Variants in HSP90B1 observed in about 807,000 individuals in gnomAD.
HSP90B1 encodes heat shock protein 90 beta family member 1.
In HSP90B1, 27 loss-of-function variants were observed where a neutral mutation model predicts 100.4. The observed-to-expected ratio is 0.27, with a 90% confidence interval of 0.20 to 0.37. HSP90B1 has a LOEUF of 0.37. HSP90B1 is among the 10% of genes least tolerant of loss of function. The pLI, the probability that HSP90B1 is intolerant of heterozygous loss-of-function variation, is 1.00. For missense variants in HSP90B1, 678 were observed against 960.5 expected (o/e 0.71, Z 3.89); for synonymous variants, 304 against 330.8 (o/e 0.92, Z 0.88).
In HSP90B1 at chr12:103,930,521, G is replaced by A. The variant is rs367697851; in HGVS notation, c.6G>A (p.Arg2=). ...AGACTCACCGGCCGCACGCCATGAGGGCCCTGTGGGTGCTGGGCCTCTGCT... is the reference window on the plus strand; with the variant it reads ...AGACTCACCGGCCGCACGCCATGAGAGCCCTGTGGGTGCTGGGCCTCTGCT... The part of the protein sequence containing the change: M[R]ALWVLGLCCV... The change falls in exon 1 of 18, where the codon AGG becomes AGA. Residue 2 remains arginine (R), a synonymous_variant. Coordinates refer to ENST00000299767, the MANE Select transcript of HSP90B1 (RefSeq NM_003299.3). The surrounding 1 kb of genome is among the most constrained non-coding windows in gnomAD (Gnocchi z 4.4). The A allele has an allele frequency of 2.7e-5, 43 of 1,608,604 alleles. 1 individual carries two copies. The highest frequency in any genetic ancestry group is 3.4e-5 in the Non-Finnish European group (40 of 1,177,734).
chr12:103,940,797 G>C (rs1870055318), intron 8 of HSP90B1, among the ~76,000 whole-genome samples: 1 of 152,040 alleles, frequency 6.6e-6, no homozygotes, highest in Admixed American at 6.6e-5. Flanking sequence ...CTAATAATGA[G>C]ACATTTTATA....
intron 2 of HSP90B1, chr12:103,931,987 T>TGAA (rs1869777672): frequency 2.2e-6 from 1 of 456,450 alleles, no homozygotes; most frequent in South Asian, 2.2e-5. Context: ...TTGACAGTTT[T>TGAA]GAAGTCCTCA....
Position 103,941,407 on chromosome 12 carries a change from C to T in HSP90B1, c.1093-3C>T. The T allele has an allele frequency of 1.9e-6, 3 of 1,611,050 alleles. No individual in the cohort carries two copies. Among genetic ancestry groups the T allele is most frequent in the Non-Finnish European group, 2.5e-6 (3 of 1,179,396 alleles). Reference sequence around the variant, plus strand: ...GAATGACTAAGATACCAACTTTCCACAGGAAAGTGATGACCCCATGGCTTA... The same window carrying T: ...GAATGACTAAGATACCAACTTTCCATAGGAAAGTGATGACCCCATGGCTTA... On this transcript the variant is annotated splice_region_variant and splice_polypyrimidine_tract_variant and intron_variant, in intron 8 of 17. Transcript: ENST00000299767.
chr12:103,947,237 T>C (rs1165694), intron 16 of HSP90B1, 74 bp from the exon 17 acceptor site: 493,934 of 1,488,536 alleles, frequency 0.33, 86,929 homozygotes, highest in African/African-American at 0.6. Context: ...ACATTAATTA[T>C]GATTTTATAC....
intron 10 of HSP90B1, 26 bp downstream of exon 10, chr12:103,941,732 G>A (rs190714822): frequency 7.5e-5 from 121 of 1,609,538 alleles, no homozygotes; most frequent in Admixed American, 1.8e-4. Flanking sequence ...TTGGGAGAAG[G>A]GGTGATTGTT....
chr12:103,933,085 G>A (rs1869813087), intron 4 of HSP90B1, 143 bp downstream of exon 4: 2 of 590,918 alleles, frequency 3.4e-6, no homozygotes, highest in Non-Finnish European at 6.1e-6. Context: ...ATCAAACTAT[G>A]GCCAAATCTA....
At chr12:103,932,255 C>A in intron 2 of HSP90B1, 22 bp from the exon 3 acceptor site, 1 of 1,591,154 alleles carries the variant, frequency 6.3e-7, no homozygotes, top group Non-Finnish European at 8.6e-7. Context: ...GCAATATTTG[C>A]TTACCTAACT....
At position 103,946,682 on chromosome 12, in the gene HSP90B1, C is replaced by G; in HGVS notation, c.2092C>G (p.Leu698Val). The G allele has an allele frequency of 6.2e-7, 1 of 1,613,950 alleles. No homozygotes were observed. Among genetic ancestry groups the G allele is most frequent in the Non-Finnish European group, 8.5e-7 (1 of 1,179,874 alleles). ...NPRHPLIRDM[L>V]RRIKEDEDDK... is the part of the protein sequence containing the mutation. ...CAGACACCCGCTGATCAGAGACATG[C>G]TTCGACGAATTAAGGTAGTATTAAA... The change falls in exon 15 of 18, where the codon CTT becomes GTT. Residue 698 changes from leucine to valine, a missense_variant. Transcript: ENST00000299767.
chr12:103,940,614 T>C (rs1870049228), intron 8 of HSP90B1, among the ~76,000 whole-genome samples: 1 of 152,190 alleles, frequency 6.6e-6, no homozygotes. Context: ...CTAGTGTCTA[T>C]AAACTTACTT....
At chr12:103,933,265 C>T (rs549754069) in intron 4 of HSP90B1, among the ~76,000 whole-genome samples, 1 of 152,362 alleles carries the variant, frequency 6.6e-6, no homozygotes, top group South Asian at 2.1e-4. Context: ...AAAAAGTTTG[C>T]CAGCCCCTGG....
chr12:103,941,997 A>G lies in HSP90B1; in HGVS notation c.1374+100A>G, dbSNP rs1265000153. ...TAAAACCAGATTTTGGGTCTGGTCC[A>G]TGATTCTTCAGATGAATTTCCTTTC... On this transcript the variant is annotated intron_variant, in intron 11 of 17. Coordinates refer to ENST00000299767, the MANE Select transcript of HSP90B1 (RefSeq NM_003299.3). 3.6e-6 allele frequency: 3 copies of G among 835,964 alleles called. No individual in the cohort carries two copies. The Admixed American group carries it at 5.8e-5, about 16-fold the overall frequency. The allele number at this position is 835,964 out of a possible 1,614,324, so 51.8% of individuals were successfully genotyped here.
At chr12:103,946,535 G>A in intron 14 of HSP90B1, 83 bp from the exon 15 acceptor site, 1 of 962,950 alleles carries the variant, frequency 1.0e-6, no homozygotes, top group South Asian at 1.4e-5. Flanking sequence ...GAGTTGTTCT[G>A]TGTAATTATG....
At position 103,942,660 on chromosome 12, in the gene HSP90B1, G is replaced by A. The variant is rs753142679; in HGVS notation, c.1508G>A (p.Arg503Gln). The A allele has an allele frequency of 2.5e-6, 4 of 1,613,788 alleles. No homozygotes were observed. The highest frequency in any genetic ancestry group is 1.7e-5 in the Admixed American group (1 of 59,992). ...GGTGTGATTGAAGACCACTCGAATC[G>A]AACACGTCTTGCTAAACTTCTTAGG... ...KLGVIEDHSN[R>Q]TRLAKLLRFQ... Residue 503 changes from arginine to glutamine, a missense_variant, in exon 12 of 18, where the codon CGA (arginine) becomes CAA (glutamine). By Grantham distance (43) the Arg-to-Gln change is conservative. This residue lies in a region of HSP90B1 where 170 missense variants were observed against 236.7 expected (regional missense o/e 0.72). Coordinates refer to ENST00000299767, the MANE Select transcript of HSP90B1 (RefSeq NM_003299.3).
rs942259361 is a variant in HSP90B1 at position 103,938,501 on chromosome 12, T to A, written c.975+42T>A. ...TCCCTGCATAAGATATTGTTTAACA[T>A]GTATAGGCAAAACCAGGAAAACCTA... On this transcript the variant is annotated intron_variant, in intron 7 of 17. Transcript: ENST00000299767. The A allele has an allele frequency of 1.9e-6, 3 of 1,580,102 alleles. No homozygotes were observed. In the African/African-American group the frequency reaches 4.1e-5, roughly 22 times the overall value.
chr12:103,938,406 G>C lies in HSP90B1; in HGVS notation c.922G>C (p.Asp308His). ...AAKEEKEESD[D>H]EAAVEEEEEE... The stretch of plus-strand genomic sequence containing the variant: ...CAAAGAAGAGAAAGAAGAATCTGAT[G>C]ATGAAGCTGCAGTAGAGGAAGAAGA... The change falls in exon 7 of 18, where the codon GAT becomes CAT. Residue 308 changes from aspartate (D) to histidine (H), a missense_variant. By Grantham distance (81) the Asp-to-His change is moderately conservative (BLOSUM62 -1). Coordinates refer to ENST00000299767, the MANE Select transcript of HSP90B1 (RefSeq NM_003299.3). 1 of 1,592,296 alleles carries C rather than the reference G, an allele frequency of 6.3e-7. No homozygotes were observed. The highest frequency in any genetic ancestry group is 8.6e-7 in the Non-Finnish European group (1 of 1,163,350).
chr12:103,945,445 C>CAACAGT (rs1305228982), intron 14 of HSP90B1, among the ~76,000 whole-genome samples: 1 of 152,148 alleles, frequency 6.6e-6, no homozygotes, highest in Non-Finnish European at 1.5e-5. Context: ...TAATCACAAC[C>CAACAGT]AACAGTAAAA....
At position 103,946,703 on chromosome 12, in the gene HSP90B1, T is replaced by C. The variant is rs1593493475; in HGVS notation, c.2106+7T>C. ...CATGCTTCGACGAATTAAGGTAGTA[T>C]TAAAGCAGTCCTCTTGCTTGTCTTT... On this transcript the variant is annotated splice_region_variant and intron_variant, in intron 15 of 17. Transcript: ENST00000299767. 1 of 1,613,552 alleles carries C rather than the reference T, an allele frequency of 6.2e-7. No homozygotes were observed. Among genetic ancestry groups the C allele is most frequent in the South Asian group, 1.1e-5 (1 of 91,048 alleles).
At chr12:103,932,801 T>C in intron 3 of HSP90B1, 25 bp from the exon 4 acceptor site, 1 of 1,147,246 alleles carries the variant, frequency 8.7e-7, no homozygotes, top group East Asian at 2.3e-5. Flanking sequence ...ATAGTCTAAG[T>C]GTATTCCCTC....
chr12:103,943,762 C>T lies in HSP90B1; in HGVS notation c.1915C>T (p.Arg639Cys), dbSNP rs562235742. The change falls in exon 14 of 18, where the codon CGC (arginine) becomes TGC (cysteine). Residue 639 changes from arginine (R) to cysteine (C), a missense_variant. Coordinates refer to ENST00000299767, the MANE Select transcript of HSP90B1 (RefSeq NM_003299.3). The surrounding 1 kb of genome is among the most constrained non-coding windows in gnomAD (Gnocchi z 5.3). ...GATTGAAAAGGCTGTGGTGTCTCAG[C>T]GCCTGACAGAATCTCCGTGTGCTTT... The part of the protein sequence containing the change: ...DKIEKAVVSQ[R>C]LTESPCALVA... 1.9e-5 allele frequency: 30 copies of T among 1,613,602 alleles called. No homozygotes were observed. Among genetic ancestry groups the T allele is most frequent in the African/African-American group, 5.3e-5 (4 of 74,876 alleles).
Sources: allele counts gnomAD v4.1 joint callset (sites outside exome capture counted in the v4.1 genomes callset), GRCh38; gene constraint gnomAD v4.1.1; regional missense constraint gnomAD v4.1.1; non-coding constraint Gnocchi (gnomAD v3.1); transcripts MANE v1.5; gene names NCBI Gene and HGNC (gene_info 2026-07-23, HGNC 2026-07-21).